Variants in CHIC2 observed in about 807,000 individuals in gnomAD.
CHIC2 encodes the protein cysteine-rich hydrophobic domain-containing protein 2.
CHIC2 carries 14 observed loss-of-function variants against 25.9 expected under a neutral mutation model. The observed-to-expected ratio is 0.54, with a 90% confidence interval of 0.36 to 0.85. The LOEUF (loss-of-function observed/expected upper bound fraction) is 0.85, where lower values mean the gene tolerates loss of function less well. Ranked by LOEUF, CHIC2 falls within the 40% of genes least tolerant of loss-of-function variation. CHIC2 has a pLI of 0.01. For synonymous variants in CHIC2, 70 were observed against 72.0 expected (o/e 0.97, Z 0.14); for missense variants, 146 against 202.0 (o/e 0.72, Z 1.68).
intron 3 of CHIC2, among the ~76,000 whole-genome samples, chr4:54,039,797 A>G (rs1332302172): frequency 1.3e-5 from 2 of 152,240 alleles, no homozygotes; most frequent in South Asian, 4.1e-4. Context: ...CAGTGTCTTC[A>G]ACTGATAAAT....
At chr4:54,081,588 CT>C in the CHIC2 span, among the ~76,000 whole-genome samples, 1 of 152,150 alleles carries the variant, frequency 6.6e-6, no homozygotes, top group Non-Finnish European at 1.5e-5. Context: ...TAAATAAGTA[CT>C]TTATGCCCAA....
In CHIC2 at chr4:54,011,402, C is replaced by A. The variant is rs563893316; in HGVS notation, c.448-1257G>T. ...CACTAGCTCCCTGTTAAAATACTTT[C>A]TCCCAACTAGCTTCTTCATTTGAGC... On this transcript the variant is annotated intron_variant, in intron 5 of 5. Coordinates refer to ENST00000263921, the MANE Select transcript of CHIC2 (RefSeq NM_012110.4). Among the ~76,000 whole-genome samples, 26 of 152,268 alleles carry A rather than the reference C, an allele frequency of 1.7e-4. No homozygotes were observed. The East Asian group carries it at 4.8e-3, about 28-fold the overall frequency.
the CHIC2 span, among the ~76,000 whole-genome samples, chr4:54,072,376 A>G: frequency 0.28 from 42,506 of 151,944 alleles, 6,152 homozygotes; most frequent in Middle Eastern, 0.39. Flanking sequence ...AGCTCTCTTC[A>G]CTACCATCTT....
At chr4:54,065,238 A>T (rs199564553), upstream of CHIC2, 4 of 645,216 alleles carry the variant, frequency 6.2e-6, no homozygotes, top group East Asian at 1.4e-4. Flanking sequence ...CGATGCTGGT[A>T]TTTTTTTTTT....
chr4:54,064,339 C>G lies in CHIC2; in HGVS notation c.-39G>C. On this transcript the variant is annotated 5_prime_UTR_variant, in exon 1 of 6. Transcript: ENST00000263921. The surrounding 1 kb of genome is among the most constrained non-coding windows in gnomAD (Gnocchi z 4.2). Reference sequence around the variant, plus strand: ...GCTCCCCTGCCCAAAGGGCCTGACTCCCGGGGTTGGCGCCGGGGTACCGGC... The same window carrying G: ...GCTCCCCTGCCCAAAGGGCCTGACTGCCGGGGTTGGCGCCGGGGTACCGGC... The G allele has an allele frequency of 6.2e-7, 1 of 1,611,078 alleles. No individual in the cohort carries two copies. The highest frequency in any genetic ancestry group is 8.5e-7 in the Non-Finnish European group (1 of 1,178,548).
chr4:54,047,172 G>C (rs1716855787), intron 3 of CHIC2, among the ~76,000 whole-genome samples: 1 of 152,318 alleles, frequency 6.6e-6, no homozygotes, highest in Non-Finnish European at 1.5e-5. Flanking sequence ...AGGATGTGGA[G>C]AAATAGGAAC....
At chr4:54,077,209 A>G in the CHIC2 span, among the ~76,000 whole-genome samples, 1 of 152,206 alleles carries the variant, frequency 6.6e-6, no homozygotes, top group Non-Finnish European at 1.5e-5. Context: ...ATGCTGTTAT[A>G]ATCAGCCAAC....
At chr4:54,075,037 G>C in the CHIC2 span, among the ~76,000 whole-genome samples, 1 of 152,154 alleles carries the variant, frequency 6.6e-6, no homozygotes, top group Admixed American at 6.5e-5. Flanking sequence ...CTTGAGCCAG[G>C]GAGATCAAGG....
At chr4:54,025,067 C>T (rs1716017716) in intron 3 of CHIC2, among the ~76,000 whole-genome samples, 1 of 151,326 alleles carries the variant, frequency 6.6e-6, no homozygotes, top group Non-Finnish European at 1.5e-5. Flanking sequence ...TGCCCCAACA[C>T]TTCAACACTA....
intron 3 of CHIC2, among the ~76,000 whole-genome samples, chr4:54,043,533 A>T (rs958494035): frequency 1.3e-5 from 2 of 152,130 alleles, no homozygotes; most frequent in African/African-American, 4.8e-5. Flanking sequence ...TCAACCCACA[A>T]TTTCATATCC....
At chr4:54,048,823 T>C (rs1716911239) in intron 3 of CHIC2, 132 bp downstream of exon 3, 3 of 722,758 alleles carry the variant, frequency 4.2e-6, no homozygotes, top group Non-Finnish European at 6.3e-6. Flanking sequence ...CTCACTCCTC[T>C]CCTGGATCAG....
intron 3 of CHIC2, among the ~76,000 whole-genome samples, chr4:54,032,383 A>AGT (rs1560387393): frequency 4.8e-5 from 7 of 146,890 alleles, no homozygotes; most frequent in African/African-American, 1.9e-4. Context: ...CTCCTGCCTC[A>AGT]GCCTGCCGAG....
At chr4:54,043,704 A>G (rs1161134553) in intron 3 of CHIC2, among the ~76,000 whole-genome samples, 1 of 152,248 alleles carries the variant, frequency 6.6e-6, no homozygotes, top group African/African-American at 2.4e-5. Context: ...AAAACATGCC[A>G]AATTGTAAAG....
chr4:54,024,215 C>T (rs1437782846), intron 3 of CHIC2, among the ~76,000 whole-genome samples: 4 of 152,138 alleles, frequency 2.6e-5, no homozygotes, highest in African/African-American at 7.2e-5. Context: ...TCTATTCTGT[C>T]GTCATTTCAT....
At chr4:54,030,902 G>A (rs979834896) in intron 3 of CHIC2, among the ~76,000 whole-genome samples, 1 of 148,244 alleles carries the variant, frequency 6.7e-6, no homozygotes, top group Non-Finnish European at 1.5e-5. Flanking sequence ...TTGAGACGGA[G>A]TCTCACTGTC....
At chr4:54,059,985 G>A (rs1717282352) in intron 1 of CHIC2, 1 of 152,176 alleles carries the variant, frequency 6.6e-6, no homozygotes, top group African/African-American at 2.4e-5. Context: ...TGCTGGGTGG[G>A]AGAAAGAAGT....
intron 4 of CHIC2, 69 bp downstream of exon 4, chr4:54,013,994 A>G: frequency 1.2e-6 from 2 of 1,600,260 alleles, no homozygotes. Context: ...TTAGTTCAAC[A>G]AAAGCATCTG....
intron 3 of CHIC2, among the ~76,000 whole-genome samples, chr4:54,020,829 A>G (rs141817205): frequency 6.6e-6 from 1 of 152,174 alleles, no homozygotes; most frequent in Non-Finnish European, 1.5e-5. Context: ...CTTGGTGTTT[A>G]ATCATTGCAG....
intron 3 of CHIC2, among the ~76,000 whole-genome samples, chr4:54,023,786 A>T (rs1198483644): frequency 2.0e-5 from 3 of 152,224 alleles, no homozygotes; most frequent in Admixed American, 2.0e-4. Flanking sequence ...TTGCAAAAGG[A>T]CTACGCATCA....
Sources: allele counts gnomAD v4.1 joint callset (sites outside exome capture counted in the v4.1 genomes callset), GRCh38; gene constraint gnomAD v4.1.1; non-coding constraint Gnocchi (gnomAD v3.1); transcripts MANE v1.5; gene names NCBI Gene and HGNC (gene_info 2026-07-23, HGNC 2026-07-21).